The following NAALADL2 variants were observed in gnomAD, a reference collection of about 807,000 sequenced individuals.
NAALADL2 encodes N-acetylated alpha-linked acidic dipeptidase like 2.
In NAALADL2, 76 loss-of-function variants were observed where a neutral mutation model predicts 87.2. The observed-to-expected ratio is 0.87, with a 90% CI of 0.72 to 1.05. The LOEUF (loss-of-function observed/expected upper bound fraction) is 1.05, where lower values mean the gene tolerates loss of function less well. Among genes scored for constraint, NAALADL2 ranks in the 50% least tolerant of loss-of-function variants. The pLI is 0.00. For missense variants in NAALADL2, 1,089 were observed against 945.8 expected (o/e 1.15, Z -1.99); for synonymous variants, 354 against 331.0 (o/e 1.07, Z -0.75).
intron 12 of NAALADL2, among the ~76,000 whole-genome samples, chr3:175,754,212 A>G (rs1256653204): frequency 6.6e-6 from 1 of 152,208 alleles, no homozygotes; most frequent in Non-Finnish European, 1.5e-5. Flanking sequence ...AGCAGGTACT[A>G]TTATTACATT....
Position 175,078,538 on chromosome 3 carries a change from C to T in NAALADL2, c.44-18252C>T, listed in dbSNP as rs574566193. Among the ~76,000 whole-genome samples, 13 of 152,258 alleles carry T rather than the reference C, an allele frequency of 8.5e-5. No individual in the cohort carries two copies. The South Asian group carries it at 1.9e-3, about 22-fold the overall frequency. The stretch of plus-strand genomic sequence containing the variant: ...TCCAATCAGTTGTAGAACATTTCAT[C>T]GTACCAAAAATAAAGTCCCCATTCA... On this transcript the variant is annotated intron_variant, in intron 1 of 13. Transcript: ENST00000454872.
At chr3:174,637,675 C>G (rs547674425) in intron 2 of NAALADL2, among the ~76,000 whole-genome samples, 1 of 152,068 alleles carries the variant, frequency 6.6e-6, no homozygotes, top group East Asian at 1.9e-4. Context: ...TGCAAGTTTT[C>G]AGGACATTTC....
intron 2 of NAALADL2, among the ~76,000 whole-genome samples, chr3:174,620,519 A>G (rs535941): frequency 0.16 from 25,030 of 151,986 alleles, 2,393 homozygotes; most frequent in African/African-American, 0.25. Flanking sequence ...CATTTAATAA[A>G]CAGAACTGAT....
chr3:175,271,902 C>T (rs954837321), intron 4 of NAALADL2, among the ~76,000 whole-genome samples: 2 of 152,168 alleles, frequency 1.3e-5, no homozygotes, highest in Non-Finnish European at 2.9e-5. Context: ...ACTGGAAAAA[C>T]TTCCAAAGAT....
chr3:174,520,240 A>G (rs2108409733), intron 1 of NAALADL2, among the ~76,000 whole-genome samples: 1 of 152,334 alleles, frequency 6.6e-6, no homozygotes, highest in African/African-American at 2.4e-5. Flanking sequence ...GAATCAAGAA[A>G]GAGCCCGAAT....
chr3:175,492,609 A>C (rs1021227460), intron 9 of NAALADL2, among the ~76,000 whole-genome samples: 30 of 152,288 alleles, frequency 2.0e-4, no homozygotes, highest in African/African-American at 7.0e-4. Flanking sequence ...TGACAATTCC[A>C]AGCATTAATA....
At chr3:175,406,837 G>A (rs540843868) in intron 5 of NAALADL2, among the ~76,000 whole-genome samples, 2 of 151,264 alleles carry the variant, frequency 1.3e-5, no homozygotes, top group East Asian at 2.0e-4. Flanking sequence ...TTTTGTTATG[G>A]CTTCCTGGTT....
intron 1 of NAALADL2, among the ~76,000 whole-genome samples, chr3:175,080,026 A>C (rs1053656482): frequency 4.0e-5 from 6 of 150,566 alleles, no homozygotes; most frequent in African/African-American, 1.5e-4. Flanking sequence ...AGTGCAGTGG[A>C]GCGATCTCGG....
rs1224806078 is a variant in NAALADL2, at chr3:175,324,181, T to C, written c.946T>C (p.Ser316Pro). The change falls in exon 5 of 14, where the codon TCA becomes CCA. Residue 316 changes from serine (S) to proline (P), a missense_variant. Physicochemically the swap from Ser to Pro is moderately conservative, Grantham distance 74 (BLOSUM62 -1). Transcript: ENST00000454872. Reference protein sequence around the residue: ...GKLPLLYKLSSLEKAGFGGVL... With the variant: ...GKLPLLYKLSPLEKAGFGGVL... Reference sequence around the variant, plus strand: ...GCTTGCTTCCCTCTTTTAGCTTTCCTCATTGGAAAAGGCTGGATTTGGAGG... The same window carrying C: ...GCTTGCTTCCCTCTTTTAGCTTTCCCCATTGGAAAAGGCTGGATTTGGAGG... 1 of 1,612,864 alleles carries C rather than the reference T, an allele frequency of 6.2e-7. No homozygotes were observed. Among genetic ancestry groups the C allele is most frequent in the Non-Finnish European group, 8.5e-7 (1 of 1,179,394 alleles).
chr3:175,371,058 A>G (rs1027484795), intron 5 of NAALADL2, among the ~76,000 whole-genome samples: 1 of 152,230 alleles, frequency 6.6e-6, no homozygotes, highest in Non-Finnish European at 1.5e-5. Flanking sequence ...TAGTTTGAAC[A>G]GTATGGAAAA....
intron 3 of NAALADL2, among the ~76,000 whole-genome samples, chr3:174,850,263 C>G (rs1414647478): frequency 1.3e-5 from 2 of 152,042 alleles, no homozygotes; most frequent in East Asian, 3.9e-4. Context: ...GGGATGTCTG[C>G]TGCCAGACAT....
chr3:174,464,834 A>G (rs1716426321), intron 1 of NAALADL2, among the ~76,000 whole-genome samples: 1 of 151,998 alleles, frequency 6.6e-6, no homozygotes, highest in Non-Finnish European at 1.5e-5. Flanking sequence ...TTCAGGTAAA[A>G]ATGTTAATGG....
intron 1 of NAALADL2, among the ~76,000 whole-genome samples, chr3:174,915,597 A>G (rs1414390529): frequency 1.3e-5 from 2 of 152,122 alleles, no homozygotes; most frequent in Non-Finnish European, 2.9e-5. Flanking sequence ...TATTTATTAT[A>G]TTTATTAGAG....
chr3:174,950,895 T>C (rs1473586660), intron 1 of NAALADL2, among the ~76,000 whole-genome samples: 1 of 152,162 alleles, frequency 6.6e-6, no homozygotes, highest in Non-Finnish European at 1.5e-5. Context: ...TGTATGTTTA[T>C]ATCTATCTCT....
At chr3:175,665,934 CCA>C (rs1560940211) in intron 11 of NAALADL2, among the ~76,000 whole-genome samples, 52 of 151,570 alleles carry the variant, frequency 3.4e-4, no homozygotes, top group African/African-American at 1.1e-3. Flanking sequence ...TGTCCCCCCC[CCA>C]AAAAAAAGGT....
At chr3:175,016,258 T>TA (rs1491359482) in intron 1 of NAALADL2, among the ~76,000 whole-genome samples, 52 of 127,780 alleles carry the variant, frequency 4.1e-4, no homozygotes, top group African/African-American at 1.8e-3. Flanking sequence ...AGATAAATTA[T>TA]TTATATATAT....
At chr3:175,571,893 A>G (rs540290355) in intron 9 of NAALADL2, among the ~76,000 whole-genome samples, 8 of 152,194 alleles carry the variant, frequency 5.3e-5, no homozygotes, top group Non-Finnish European at 1.2e-4. Context: ...CTAGTTAGAA[A>G]CAAAAGCATG....
chr3:174,833,461 C>T (rs1286149296), intron 3 of NAALADL2, among the ~76,000 whole-genome samples: 1 of 152,030 alleles, frequency 6.6e-6, no homozygotes, highest in African/African-American at 2.4e-5. Flanking sequence ...GCTTCACTAG[C>T]AAATAGTATC....
intron 1 of NAALADL2, among the ~76,000 whole-genome samples, chr3:174,919,245 C>T (rs1455439534): frequency 6.6e-6 from 1 of 152,020 alleles, no homozygotes; most frequent in Non-Finnish European, 1.5e-5. Flanking sequence ...CATTCATTGA[C>T]TTCCTTTTAC....
Sources: gnomAD v4.1 joint callset for allele counts (sites outside exome capture counted in the v4.1 genomes callset) on GRCh38, gnomAD v4.1.1 for gene constraint, MANE v1.5 for transcripts, NCBI Gene and HGNC (gene_info 2026-07-23, HGNC 2026-07-21) for gene names.